The following HMBOX1 variants were observed in gnomAD, a reference collection of about 807,000 sequenced individuals.
The protein encoded by HMBOX1 is homeobox-containing protein 1.
Under a neutral mutation model 54.5 loss-of-function variants are expected in HMBOX1, and 14 were observed. The ratio of observed to expected loss-of-function variants is 0.26; its 90% CI spans 0.17 to 0.40. The LOEUF (loss-of-function observed/expected upper bound fraction) is 0.40, where lower values mean the gene tolerates loss of function less well. Among genes scored for constraint, HMBOX1 ranks in the 10% least tolerant of loss-of-function variants. The pLI is 1.00. For synonymous variants in HMBOX1, 160 were observed against 181.0 expected, an observed-to-expected ratio of 0.88 and a Z score of 0.93; for missense variants, 332 against 514.4, an observed-to-expected ratio of 0.65 and a Z score of 3.43.
At chr8:29,020,360 G>A (rs769518482) in intron 6 of HMBOX1, among the ~76,000 whole-genome samples, 36 of 152,176 alleles carry the variant, frequency 2.4e-4, no homozygotes, top group Middle Eastern at 3.4e-3. Flanking sequence ...AAAGAATTAA[G>A]TTAAAAATTG....
At chr8:28,973,326 T>G (rs1054776637) in intron 3 of HMBOX1, among the ~76,000 whole-genome samples, 1 of 152,236 alleles carries the variant, frequency 6.6e-6, no homozygotes, top group African/African-American at 2.4e-5. Flanking sequence ...AATATGTCAC[T>G]GGTGTACATT....
chr8:28,990,835 G>A (rs771764211), intron 4 of HMBOX1, among the ~76,000 whole-genome samples: 1 of 152,042 alleles, frequency 6.6e-6, no homozygotes, highest in Non-Finnish European at 1.5e-5. Flanking sequence ...TGTATTTTTA[G>A]TAGAGGCAGG....
intron 2 of HMBOX1, among the ~76,000 whole-genome samples, chr8:28,965,808 C>T (rs1826334726): frequency 6.6e-6 from 1 of 152,060 alleles, no homozygotes; most frequent in Admixed American, 6.5e-5. Flanking sequence ...TTTTGAAGTC[C>T]AGTAGTTGTG....
At chr8:28,995,304 A>T (rs1831645825) in intron 4 of HMBOX1, among the ~76,000 whole-genome samples, 1 of 152,216 alleles carries the variant, frequency 6.6e-6, no homozygotes, top group Non-Finnish European at 1.5e-5. Context: ...TTTACTTAGC[A>T]TAATGTTTTT....
At chr8:28,968,946 G>A (rs1472211418) in intron 2 of HMBOX1, among the ~76,000 whole-genome samples, 1 of 152,152 alleles carries the variant, frequency 6.6e-6, no homozygotes, top group East Asian at 1.9e-4. Context: ...GGCCGAGGCG[G>A]GCGAATCACC....
At chr8:29,008,289 G>A (rs1833752082) in intron 4 of HMBOX1, among the ~76,000 whole-genome samples, 1 of 152,152 alleles carries the variant, frequency 6.6e-6, no homozygotes, top group Admixed American at 6.5e-5. Flanking sequence ...TCTCATACTA[G>A]TAAGTTTTAG....
intron 6 of HMBOX1, among the ~76,000 whole-genome samples, chr8:29,043,552 A>G (rs1193937537): frequency 6.6e-6 from 1 of 152,276 alleles, no homozygotes; most frequent in African/African-American, 2.4e-5. Context: ...ACAAGCACAT[A>G]TTAGGTACTT....
intron 3 of HMBOX1, among the ~76,000 whole-genome samples, chr8:28,978,786 CAAAAAAAAAA>C (rs36075812): frequency 2.1e-5 from 2 of 95,842 alleles, no homozygotes; most frequent in South Asian, 7.4e-4. Context: ...GACTCCGTCT[CAAAAAAAAAA>C]AAAAAAAAAA....
chr8:29,027,260 A>G (rs375532378), intron 6 of HMBOX1, among the ~76,000 whole-genome samples: 2 of 152,194 alleles, frequency 1.3e-5, no homozygotes, highest in African/African-American at 2.4e-5. Context: ...CTAACTGTCC[A>G]TTTGTTCATT....
chr8:28,968,456 G>C (rs990113053), intron 2 of HMBOX1, among the ~76,000 whole-genome samples: 1 of 152,150 alleles, frequency 6.6e-6, no homozygotes, highest in Non-Finnish European at 1.5e-5. Context: ...TTTTCCTACT[G>C]TTTACTCAGA....
chr8:29,018,831 G>T lies in HMBOX1; in HGVS notation c.769G>T (p.Val257Phe), dbSNP rs371498035. 3 of 1,614,104 alleles carry T rather than the reference G, an allele frequency of 1.9e-6. No individual in the cohort carries two copies. The highest frequency in any genetic ancestry group is 2.5e-6 in the Non-Finnish European group (3 of 1,179,974). Residue 257 changes from valine to phenylalanine, a missense_variant, in exon 6 of 10, where the codon GTC (valine) becomes TTC (phenylalanine). This residue lies in a region of HMBOX1 where 117 missense variants were observed against 220.0 expected (regional missense o/e 0.53). Transcript: ENST00000287701. Reference protein sequence around the residue: ...DPEWRQTPPPVSATSGTFRLR... With the variant: ...DPEWRQTPPPFSATSGTFRLR... ...TGAATGGAGACAAACGCCTCCCCCAGTCTCTGCCACATCTGGTACTTTCCG... is the reference window on the plus strand; with the variant it reads ...TGAATGGAGACAAACGCCTCCCCCATTCTCTGCCACATCTGGTACTTTCCG...
At chr8:28,942,577 A>G (rs1359887050) in intron 1 of HMBOX1, among the ~76,000 whole-genome samples, 1 of 152,028 alleles carries the variant, frequency 6.6e-6, no homozygotes, top group African/African-American at 2.4e-5. Context: ...AAATCTATAT[A>G]TAGTTATTTA....
chr8:28,902,550 A>G (rs1180047960), intron 1 of HMBOX1, among the ~76,000 whole-genome samples: 1 of 152,108 alleles, frequency 6.6e-6, no homozygotes, highest in Non-Finnish European at 1.5e-5. Context: ...ATGAGACATT[A>G]TGGGGAAAAC....
chr8:29,047,560 T>G, intron 8 of HMBOX1, 107 bp downstream of exon 8: 2 of 537,946 alleles, frequency 3.7e-6, no homozygotes, highest in Non-Finnish European at 3.2e-6. Flanking sequence ...GGATCCTAAC[T>G]TCTCTTTTTT....
At chr8:29,024,412 G>C (rs190996043) in intron 6 of HMBOX1, among the ~76,000 whole-genome samples, 26 of 152,294 alleles carry the variant, frequency 1.7e-4, no homozygotes, top group Admixed American at 1.5e-3. Flanking sequence ...TATACCGTAA[G>C]TGTTGGCATT....
intron 5 of HMBOX1, 133 bp downstream of exon 5, chr8:29,009,315 G>A: frequency 9.7e-7 from 1 of 1,034,384 alleles, no homozygotes; most frequent in South Asian, 1.7e-5. Context: ...TGCAGAAAAA[G>A]ACTCTTAACA....
rs201053312 is a variant in HMBOX1 at position 29,041,173 on chromosome 8, A to AT, written c.852-4180dup. On this transcript the variant is annotated intron_variant, in intron 6 of 9. Transcript: ENST00000287701. ...AGAGAAGCATATAAGGCAGAATGTC[A>AT]TTTTTTTTAAAATTTTTTCTTATTT... Among the ~76,000 whole-genome samples, 246 of 152,224 alleles carry AT rather than the reference A, an allele frequency of 1.6e-3. 2 individuals carry two copies. Among genetic ancestry groups the AT allele is most frequent in the African/African-American group, 5.5e-3 (230 of 41,542 alleles).
intron 1 of HMBOX1, among the ~76,000 whole-genome samples, chr8:28,913,066 C>G (rs1815775581): frequency 6.6e-6 from 1 of 152,096 alleles, no homozygotes; most frequent in South Asian, 2.1e-4. Context: ...CCATTTCTCC[C>G]TTTTCCTCCT....
chr8:28,916,522 G>T (rs547046477), intron 1 of HMBOX1, among the ~76,000 whole-genome samples: 4 of 152,264 alleles, frequency 2.6e-5, no homozygotes, highest in African/African-American at 9.6e-5. Context: ...TATGTTTTTG[G>T]ATATAGATTT....
Sources: allele counts gnomAD v4.1 joint callset (sites outside exome capture counted in the v4.1 genomes callset), GRCh38; gene constraint gnomAD v4.1.1; regional missense constraint gnomAD v4.1.1; transcripts MANE v1.5; gene names NCBI Gene and HGNC (gene_info 2026-07-23, HGNC 2026-07-21).